The following TLN2 variants were observed in gnomAD, a reference collection of about 807,000 sequenced individuals.
TLN2 encodes talin 2.
In TLN2, 118 loss-of-function variants were observed where a neutral mutation model predicts 294.7. The ratio of observed to expected loss-of-function variants is 0.40; its 90% CI spans 0.34 to 0.47. The LOEUF is 0.47. Among genes scored for constraint, TLN2 ranks in the 20% least tolerant of loss-of-function variants. TLN2 has a pLI of 0.84. For missense variants in TLN2, 3,083 were observed against 3,282.2 expected, an observed-to-expected ratio of 0.94 and a Z score of 1.48; for synonymous variants, 1,431 against 1,304.5, an observed-to-expected ratio of 1.10 and a Z score of -2.09.
chr15:62,520,036 G>A (rs973209749), intron 1 of TLN2, among the ~76,000 whole-genome samples: 1 of 152,126 alleles, frequency 6.6e-6, no homozygotes, highest in African/African-American at 2.4e-5. Flanking sequence ...CAGGTGAAAG[G>A]GGTTTCCCCT....
intron 1 of TLN2, among the ~76,000 whole-genome samples, chr15:62,496,365 T>TACAC (rs10695378): frequency 0.46 from 69,881 of 151,776 alleles, 16,540 homozygotes; most frequent in East Asian, 0.62. Context: ...AAAAAGAAAT[T>TACAC]ACACGGAACC....
chr15:62,695,692 C>T (rs779447410), intron 14 of TLN2, among the ~76,000 whole-genome samples: 6 of 152,120 alleles, frequency 3.9e-5, no homozygotes, highest in Non-Finnish European at 5.9e-5. Context: ...TCCATTTGTC[C>T]CCACTAGTAC....
chr15:62,393,189 T>A (rs1171082310), intron 1 of TLN2, among the ~76,000 whole-genome samples: 1 of 152,206 alleles, frequency 6.6e-6, no homozygotes, highest in Non-Finnish European at 1.5e-5. Flanking sequence ...GCCACTGGTT[T>A]CTCTCTGCCT....
At chr15:62,441,033 T>C (rs2035519128) in intron 1 of TLN2, among the ~76,000 whole-genome samples, 1 of 152,196 alleles carries the variant, frequency 6.6e-6, no homozygotes, top group African/African-American at 2.4e-5. Flanking sequence ...TCCTGCTCAC[T>C]TCACATTCAT....
chr15:62,708,238 A>G (rs993850166), intron 20 of TLN2, among the ~76,000 whole-genome samples: 1 of 152,220 alleles, frequency 6.6e-6, no homozygotes, highest in Non-Finnish European at 1.5e-5. Flanking sequence ...GGGCAGTAGT[A>G]TGGACTGTCA....
chr15:62,534,027 G>C (rs1210586207), intron 1 of TLN2, among the ~76,000 whole-genome samples: 1 of 152,138 alleles, frequency 6.6e-6, no homozygotes, highest in Non-Finnish European at 1.5e-5. Context: ...GTGAATATCA[G>C]TCACCAGGGG....
chr15:62,671,933 T>C (rs903558437), intron 9 of TLN2, among the ~76,000 whole-genome samples: 2 of 152,178 alleles, frequency 1.3e-5, no homozygotes, highest in East Asian at 1.9e-4. Context: ...TTATTCTTTA[T>C]TGCCAAGAAT....
At chr15:62,429,049 G>C (rs945746533) in intron 1 of TLN2, among the ~76,000 whole-genome samples, 1 of 150,848 alleles carries the variant, frequency 6.6e-6, no homozygotes, top group Non-Finnish European at 1.5e-5. Context: ...TCTGGAGACC[G>C]GCCCTGGAGC....
chr15:62,829,482 ACCTCCCACCAGGTC>A (rs2068557569), intron 54 of TLN2: 1 of 145,884 alleles, frequency 6.9e-6, no homozygotes, highest in Non-Finnish European at 1.5e-5. Flanking sequence ...TGATTCAGTT[ACCTCCCACCAGGTC>A]CCTCCCATGA....
At chr15:62,480,807 G>C (rs116741561) in intron 1 of TLN2, among the ~76,000 whole-genome samples, 1,765 of 152,102 alleles carry the variant, frequency 0.012, 31 homozygotes, top group African/African-American at 0.041. Flanking sequence ...AATTTTAGAT[G>C]GCCAGAGACA....
chr15:62,538,851 TGTAGGGGTAA>T (rs1403854877), intron 1 of TLN2, among the ~76,000 whole-genome samples: 1 of 152,182 alleles, frequency 6.6e-6, no homozygotes, highest in Admixed American at 6.5e-5. Context: ...TTTAAAAAAA[TGTAGGGGTAA>T]GTATATCCCA....
chr15:62,808,337 C>A (rs2066436631), intron 51 of TLN2, among the ~76,000 whole-genome samples: 1 of 152,242 alleles, frequency 6.6e-6, no homozygotes, highest in Non-Finnish European at 1.5e-5. Flanking sequence ...TACAAAATAC[C>A]CTTAATGAAT....
In TLN2 at chr15:62,841,241, C is replaced by G. The variant is rs1395189145; in HGVS notation, c.*631C>G. 1 of 152,714 alleles carries G rather than the reference C, an allele frequency of 6.5e-6. No individual in the cohort carries two copies. Among genetic ancestry groups the G allele is most frequent in the East Asian group, 1.9e-4 (1 of 5,192 alleles). The allele number at this position is 152,714 out of a possible 1,614,324, so 9.5% of individuals were successfully genotyped here. A position where few individuals can be genotyped will look rare whatever the true frequency, so the allele number is the denominator to read the frequency against. ...CAGACCCATCTTGTATTTTGTGGCC[C>G]AGAAAACTGAACGATTATTTTGTTC... On this transcript the variant is annotated 3_prime_UTR_variant, in exon 59 of 59. Coordinates refer to ENST00000636159, the MANE Select transcript of TLN2 (RefSeq NM_015059.3).
At chr15:62,588,174 C>G (rs1344706683) in intron 1 of TLN2, among the ~76,000 whole-genome samples, 1 of 152,082 alleles carries the variant, frequency 6.6e-6, no homozygotes, top group Non-Finnish European at 1.5e-5. Context: ...GCCACCGCAC[C>G]CGGCCTAAAA....
intron 11 of TLN2, among the ~76,000 whole-genome samples, chr15:62,679,387 G>T (rs1230056726): frequency 6.6e-6 from 1 of 152,188 alleles, no homozygotes; most frequent in African/African-American, 2.4e-5. Context: ...TGATGAATGG[G>T]TAGACAATTT....
In TLN2 at chr15:62,426,935, T is replaced by C. The variant is rs555853140; in HGVS notation, c.-238+36250T>C. 9.2e-5 allele frequency among the ~76,000 whole-genome samples: 14 copies of C among 152,282 alleles called. No homozygotes were observed. In the East Asian group the frequency reaches 2.7e-3, roughly 29 times the overall value. ...CCTCATGCTACTAAATCTGCATTTT[T>C]ATTAGTAACAAGCCACCCAGACGGC... is the stretch of plus-strand genomic sequence containing the variant. On this transcript the variant is annotated intron_variant, in intron 1 of 58. Coordinates refer to ENST00000636159, the MANE Select transcript of TLN2 (RefSeq NM_015059.3).
intron 37 of TLN2, among the ~76,000 whole-genome samples, chr15:62,759,111 G>T (rs1304610970): frequency 6.6e-6 from 1 of 152,188 alleles, no homozygotes; most frequent in Non-Finnish European, 1.5e-5. Context: ...ATTATGGCTG[G>T]TATGCCAGAT....
chr15:62,722,790 A>T (rs2060223674), intron 26 of TLN2, among the ~76,000 whole-genome samples: 1 of 152,152 alleles, frequency 6.6e-6, no homozygotes, highest in Non-Finnish European at 1.5e-5. Context: ...CACAAGTCTT[A>T]GGGGAGAATG....
rs563664173 is a variant in TLN2 at position 62,596,908 on chromosome 15, T to A, written c.-162+7146T>A. Among the ~76,000 whole-genome samples the A allele has an allele frequency of 2.0e-5, 3 of 152,318 alleles. No individual in the cohort carries two copies. In the East Asian group the frequency reaches 5.8e-4, roughly 29 times the overall value. On this transcript the variant is annotated intron_variant, in intron 2 of 58. Transcript: ENST00000636159. ...AGCAACTACTTTTTTTCCTGTAGAT[T>A]GTTTTTGCTTCTTTTACGGGGGCTT... is the stretch of plus-strand genomic sequence containing the variant.
Sources: allele counts gnomAD v4.1 joint callset (sites outside exome capture counted in the v4.1 genomes callset), GRCh38; gene constraint gnomAD v4.1.1; transcripts MANE v1.5; gene names NCBI Gene and HGNC (gene_info 2026-07-23, HGNC 2026-07-21).